RPS6KA1: variants seen among roughly 807,000 people sequenced by gnomAD.
The protein encoded by RPS6KA1 is ribosomal protein S6 kinase alpha-1.
Under a neutral mutation model 91.3 loss-of-function variants are expected in RPS6KA1, and 48 were observed. That is an observed-to-expected ratio of 0.53 (90% confidence interval 0.42 to 0.67). RPS6KA1 has a LOEUF of 0.67. RPS6KA1 is among the 30% of genes least tolerant of loss of function. RPS6KA1 has a pLI of 0.00. For missense variants in RPS6KA1, 719 were observed against 960.5 expected, an observed-to-expected ratio of 0.75 and a Z score of 3.32; for synonymous variants, 359 against 384.7, an observed-to-expected ratio of 0.93 and a Z score of 0.78.
intron 12 of RPS6KA1, 125 bp downstream of exon 12, chr1:26,556,843 G>A (rs1028892806): frequency 6.4e-5 from 82 of 1,286,336 alleles, no homozygotes; most frequent in Non-Finnish European, 8.8e-5. Flanking sequence ...GTCACAGCCT[G>A]CCCTTGAAGA....
intron 2 of RPS6KA1, among the ~76,000 whole-genome samples, chr1:26,543,841 A>G (rs896661418): frequency 2.0e-5 from 3 of 152,164 alleles, no homozygotes; most frequent in Non-Finnish European, 2.9e-5. Context: ...TCAGTTTCCT[A>G]TTCCTGGAAT....
intron 6 of RPS6KA1, among the ~76,000 whole-genome samples, chr1:26,552,214 C>T (rs1215914833): frequency 6.6e-6 from 1 of 151,756 alleles, no homozygotes; most frequent in Non-Finnish European, 1.5e-5. Context: ...ATGGTGAAAC[C>T]CCGTCTCTAC....
chr1:26,573,947 A>C, intron 21 of RPS6KA1, 132 bp from the exon 22 acceptor site: 2 of 1,088,966 alleles, frequency 1.8e-6, no homozygotes, highest in Admixed American at 2.5e-5. Flanking sequence ...CAAAAAAAAA[A>C]AAACAACAAA....
rs56018615 is a variant in RPS6KA1, at chr1:26,560,764, C to T, written c.1254C>T (p.Tyr418=). 186 of 1,614,190 alleles carry T rather than the reference C, an allele frequency of 1.2e-4. 1 individual carries two copies. In the East Asian group the frequency reaches 2.1e-3, roughly 19 times the overall value. Residue 418 remains tyrosine (Y), a synonymous_variant, in exon 15 of 22, where the codon TAC becomes TAT. Transcript: ENST00000374168. ...AGAACCTGGTTTTTAGTGACGGCTACGTGGTAAAGGAGACAATTGGTGTGG... is the reference window on the plus strand; with the variant it reads ...AGAACCTGGTTTTTAGTGACGGCTATGTGGTAAAGGAGACAATTGGTGTGG... ...HGKNLVFSDG[Y]VVKETIGVGS...
chr1:26,550,083 T>G (rs186151096), intron 4 of RPS6KA1, among the ~76,000 whole-genome samples: 10 of 151,750 alleles, frequency 6.6e-5, no homozygotes, highest in African/African-American at 2.4e-4. Context: ...TTCTCCATGT[T>G]GGTCAGGCTG....
intron 2 of RPS6KA1, chr1:26,543,127 A>G: frequency 6.5e-7 from 1 of 1,535,228 alleles, no homozygotes; most frequent in Non-Finnish European, 8.7e-7. Context: ...TAGGAAGAGT[A>G]ACGGGGCCCT....
chr1:26,530,081 C>A, intron 1 of RPS6KA1, 98 bp downstream of exon 1: 1 of 801,884 alleles, frequency 1.2e-6, no homozygotes, highest in Non-Finnish European at 1.7e-6. Flanking sequence ...CCGGCGGGCG[C>A]CCGCGAGGGC....
intron 4 of RPS6KA1, among the ~76,000 whole-genome samples, chr1:26,548,199 G>A (rs2076013968): frequency 6.6e-6 from 1 of 152,160 alleles, no homozygotes; most frequent in South Asian, 2.1e-4. Flanking sequence ...GCTTCAGAGG[G>A]AGGAGAAAGA....
intron 2 of RPS6KA1, among the ~76,000 whole-genome samples, chr1:26,543,787 C>T (rs1224305320): frequency 6.6e-6 from 1 of 152,186 alleles, no homozygotes; most frequent in Non-Finnish European, 1.5e-5. Flanking sequence ...GCTACCTCTG[C>T]CACTGTTTGC....
At chr1:26,544,113 T>C (rs926636977) in intron 2 of RPS6KA1, 2 of 456,166 alleles carry the variant, frequency 4.4e-6, no homozygotes, top group East Asian at 1.4e-4. Flanking sequence ...CCTTAACCCC[T>C]TCCTGGGGAT....
At chr1:26,564,559 C>T (rs759388149) in intron 17 of RPS6KA1, among the ~76,000 whole-genome samples, 3 of 152,278 alleles carry the variant, frequency 2.0e-5, no homozygotes, top group South Asian at 4.1e-4. Context: ...CGCCCGGCCA[C>T]GCTGCCCACC....
chr1:26,553,496 A>G lies in RPS6KA1; in HGVS notation c.574A>G (p.Asn192Asp). Residue 192 changes from asparagine (N) to aspartate (D), a missense_variant and splice_region_variant, in exon 7 of 22, where the codon AAC becomes GAC. Coordinates refer to ENST00000374168, the MANE Select transcript of RPS6KA1 (RefSeq NM_002953.4). The stretch of plus-strand genomic sequence containing the variant: ...CATTTACAGAGACCTCAAGCCTGAG[A>G]AGTGAGTGAAGCCTCCAGCCCCACC... Reference protein sequence around the residue: ...GIIYRDLKPENILLDEEGHIK... With the variant: ...GIIYRDLKPEDILLDEEGHIK... The G allele has an allele frequency of 6.2e-7, 1 of 1,604,906 alleles. No individual in the cohort carries two copies. The highest frequency in any genetic ancestry group is 1.1e-5 in the South Asian group (1 of 90,682).
At chr1:26,556,534 G>A in intron 11 of RPS6KA1, 120 bp from the exon 12 acceptor site, 2 of 996,062 alleles carry the variant, frequency 2.0e-6, no homozygotes, top group Non-Finnish European at 3.2e-6. Context: ...GGCTGAGTGA[G>A]CCCATTTTCC....
Position 26,537,319 on chromosome 1 carries a change from T to C in RPS6KA1, c.108+350T>C, listed in dbSNP as rs1180065392. 2.0e-5 allele frequency among the ~76,000 whole-genome samples: 3 copies of C among 152,162 alleles called. No individual in the cohort carries two copies. In the East Asian group the frequency reaches 5.8e-4, roughly 29 times the overall value. On this transcript the variant is annotated intron_variant, in intron 2 of 21. Coordinates refer to ENST00000374168, the MANE Select transcript of RPS6KA1 (RefSeq NM_002953.4). ...GCTCAGGCCAGCTGTCCTGCTCCTT[T>C]TGGTAGAGCTGCGCTTGCCAAGAGC...
chr1:26,552,977 C>G (rs1199673476), intron 6 of RPS6KA1: 3 of 269,902 alleles, frequency 1.1e-5, no homozygotes, highest in Non-Finnish European at 7.4e-6. Context: ...ATTCCTACCC[C>G]CATTTCCTTA....
Position 26,551,842 on chromosome 1 carries a change from C to A in RPS6KA1, c.468+119C>A. The A allele has an allele frequency of 1.2e-6, 1 of 855,430 alleles. No homozygotes were observed. The highest frequency in any genetic ancestry group is 1.9e-6 in the Non-Finnish European group (1 of 518,452). The allele number at this position is 855,430 out of a possible 1,614,324, so 53.0% of individuals were successfully genotyped here. On this transcript the variant is annotated intron_variant, in intron 6 of 21. Coordinates refer to ENST00000374168, the MANE Select transcript of RPS6KA1 (RefSeq NM_002953.4). This position sits in a 1 kb window ranked among gnomAD's most constrained non-coding sequence, Gnocchi z 4.5. ...TGGCTTGAACCTGGAACCACCCAGG[C>A]CTGCCTAGCAGCCCCTGGCCCAGGA...
At position 26,571,482 on chromosome 1, in the gene RPS6KA1, C is replaced by G. The variant is rs2076248073; in HGVS notation, c.1624C>G (p.Leu542Val). 6.2e-7 allele frequency: 1 copy of G among 1,614,094 alleles called. No individual in the cohort carries two copies. The highest frequency in any genetic ancestry group is 1.1e-5 in the South Asian group (1 of 91,086). The change falls in exon 18 of 22, where the codon CTG becomes GTG. Residue 542 changes from leucine (L) to valine (V), a missense_variant. By Grantham distance (32) the Leu-to-Val change is conservative. Around this residue, in one of 5 missense-constraint regions of RPS6KA1, gnomAD observed 249 missense variants for 323.1 expected, o/e 0.77. Coordinates refer to ENST00000374168, the MANE Select transcript of RPS6KA1 (RefSeq NM_002953.4). This position sits in a 1 kb window ranked among gnomAD's most constrained non-coding sequence, Gnocchi z 5.1. Reference protein sequence around the residue: ...VHRDLKPSNILYVDESGNPEC... With the variant: ...VHRDLKPSNIVYVDESGNPEC... Reference sequence around the variant, plus strand: ...CAGGGACCTGAAGCCCAGCAACATCCTGTATGTGGACGAGTCCGGGAATCC... The same window carrying G: ...CAGGGACCTGAAGCCCAGCAACATCGTGTATGTGGACGAGTCCGGGAATCC...
chr1:26,553,451 C>T lies in RPS6KA1; in HGVS notation c.529C>T (p.His177Tyr). Residue 177 changes from histidine (H) to tyrosine (Y), a missense_variant, in exon 7 of 22, where the codon CAC becomes TAC. His to Tyr is a moderately conservative substitution (Grantham distance 83). This residue lies in a region of RPS6KA1 where 159 missense variants were observed against 264.5 expected (regional missense o/e 0.60). Coordinates refer to ENST00000374168, the MANE Select transcript of RPS6KA1 (RefSeq NM_002953.4). ...GGCTGAGCTGGCTCTGGGCCTGGAT[C>T]ACCTGCACAGCCTGGGTATCATTTA... ...YLAELALGLD[H>Y]LHSLGIIYRD... is the part of the protein sequence containing the mutation. The T allele has an allele frequency of 1.2e-6, 2 of 1,613,074 alleles. No homozygotes were observed. Among genetic ancestry groups the T allele is most frequent in the Non-Finnish European group, 1.7e-6 (2 of 1,179,412 alleles).
At chr1:26,533,434 G>A (rs534999588) in intron 1 of RPS6KA1, among the ~76,000 whole-genome samples, 1 of 152,254 alleles carries the variant, frequency 6.6e-6, no homozygotes, top group East Asian at 2.0e-4. Flanking sequence ...GGCCACGCGT[G>A]GTGGCTCATG....
Sources: allele counts gnomAD v4.1 joint callset (sites outside exome capture counted in the v4.1 genomes callset), GRCh38; gene constraint gnomAD v4.1.1; regional missense constraint gnomAD v4.1.1; non-coding constraint Gnocchi (gnomAD v3.1); transcripts MANE v1.5; gene names NCBI Gene and HGNC (gene_info 2026-07-23, HGNC 2026-07-21).